Variants in CMIP observed in about 807,000 individuals in gnomAD.
The protein encoded by CMIP is c-Maf inducing protein.
In CMIP, 13 loss-of-function variants were observed where a neutral mutation model predicts 97.3. That is an observed-to-expected ratio of 0.13 (90% CI 0.09 to 0.21). The LOEUF is 0.21. Among genes scored for constraint, CMIP ranks in the 10% least tolerant of loss-of-function variants. The pLI, the probability that CMIP is intolerant of heterozygous loss-of-function variation, is 1.00. For synonymous variants in CMIP, 538 were observed against 436.3 expected, an observed-to-expected ratio of 1.23 and a Z score of -2.91; for missense variants, 847 against 1,024.9, an observed-to-expected ratio of 0.83 and a Z score of 2.37.
chr16:81,671,919 G>A (rs1220139471), intron 8 of CMIP, 47 bp from the exon 9 acceptor site: 17 of 1,034,860 alleles, frequency 1.6e-5, no homozygotes, highest in African/African-American at 3.1e-5. Flanking sequence ...CTGTCCATGG[G>A]CCCCACTCCT....
intron 1 of CMIP, among the ~76,000 whole-genome samples, chr16:81,512,086 A>G (rs532127544): frequency 6.2e-4 from 94 of 152,342 alleles, no homozygotes; most frequent in African/African-American, 2.2e-3. Flanking sequence ...GTTAAAATAT[A>G]TTATTAACAT....
intron 3 of CMIP, among the ~76,000 whole-genome samples, chr16:81,641,935 A>G (rs539876735): frequency 6.6e-6 from 1 of 152,336 alleles, no homozygotes; most frequent in Admixed American, 6.5e-5. Context: ...AATTCTGCCT[A>G]GCTCTTAGTA....
intron 1 of CMIP, among the ~76,000 whole-genome samples, chr16:81,522,290 A>G (rs1255940319): frequency 6.6e-6 from 1 of 152,156 alleles, no homozygotes; most frequent in Non-Finnish European, 1.5e-5. Context: ...CCAGGTGGCC[A>G]CACCTGGATT....
At chr16:81,680,498 C>T (rs1368147523) in intron 10 of CMIP, among the ~76,000 whole-genome samples, 1 of 152,238 alleles carries the variant, frequency 6.6e-6, no homozygotes, top group Non-Finnish European at 1.5e-5. Flanking sequence ...CCTCCTCTGC[C>T]CTGGCTTTGG....
chr16:81,560,510 G>T (rs184563271), intron 1 of CMIP, among the ~76,000 whole-genome samples: 22 of 152,234 alleles, frequency 1.4e-4, no homozygotes, highest in Admixed American at 7.2e-4. Context: ...GAGCCACTGC[G>T]CCCAGCCAGA....
At chr16:81,568,840 C>T (rs568132667) in intron 1 of CMIP, among the ~76,000 whole-genome samples, 28 of 152,286 alleles carry the variant, frequency 1.8e-4, no homozygotes, top group African/African-American at 5.1e-4. Context: ...CCTGGGAAAA[C>T]GCACTTGTGG....
At chr16:81,644,049 T>G (rs1168112847) in intron 3 of CMIP, among the ~76,000 whole-genome samples, 1 of 152,208 alleles carries the variant, frequency 6.6e-6, no homozygotes, top group Non-Finnish European at 1.5e-5. Flanking sequence ...GTGTTCAGTC[T>G]AATCCCAGAA....
At chr16:81,509,844 G>C (rs1416793064) in intron 1 of CMIP, among the ~76,000 whole-genome samples, 3 of 152,190 alleles carry the variant, frequency 2.0e-5, no homozygotes, top group African/African-American at 7.2e-5. Flanking sequence ...AGGGAGGAGA[G>C]AACAGGTGAG....
chr16:81,474,111 C>G (rs562589880), intron 1 of CMIP, among the ~76,000 whole-genome samples: 47 of 152,080 alleles, frequency 3.1e-4, no homozygotes, highest in Non-Finnish European at 5.4e-4. Flanking sequence ...GTGTGGCCAC[C>G]CCTTCAGGCT....
intron 1 of CMIP, chr16:81,476,441 T>G: frequency 2.1e-6 from 2 of 934,136 alleles, no homozygotes. Flanking sequence ...GGAAACTTGT[T>G]TGCAAACAGC....
chr16:81,468,563 A>G (rs375518051), intron 1 of CMIP, among the ~76,000 whole-genome samples: 1 of 152,272 alleles, frequency 6.6e-6, no homozygotes, highest in African/African-American at 2.4e-5. Context: ...GCAGTTAGGC[A>G]TCGTGCCTGA....
In CMIP at chr16:81,602,400, C is replaced by G. The variant is rs190106405; in HGVS notation, c.301-5167C>G. On this transcript the variant is annotated intron_variant, in intron 1 of 20. Coordinates refer to ENST00000537098, the MANE Select transcript of CMIP (RefSeq NM_198390.3). ...GGGAAAGATTTTATTCGTCATCTTC[C>G]AAATTACCTTGTCTTCACGCATTGC... Among the ~76,000 whole-genome samples the G allele has an allele frequency of 5.3e-5, 8 of 152,354 alleles. No homozygotes were observed. The East Asian group carries it at 1.5e-3, about 29-fold the overall frequency.
At chr16:81,705,275 T>A (rs552123217) in intron 18 of CMIP, among the ~76,000 whole-genome samples, 1 of 152,340 alleles carries the variant, frequency 6.6e-6, no homozygotes, top group African/African-American at 2.4e-5. Context: ...AAGGGGGCCC[T>A]GGCCTGGCTC....
At chr16:81,661,842 C>A (rs1167206634) in intron 6 of CMIP, among the ~76,000 whole-genome samples, 2 of 152,144 alleles carry the variant, frequency 1.3e-5, no homozygotes, top group East Asian at 1.9e-4. Flanking sequence ...CTCCTGGAGT[C>A]TGCCTCCCTA....
At chr16:81,582,759 A>G (rs1351758398) in intron 1 of CMIP, among the ~76,000 whole-genome samples, 1 of 152,198 alleles carries the variant, frequency 6.6e-6, no homozygotes, top group Admixed American at 6.5e-5. Context: ...CATGAAACTA[A>G]AAGCAGCAAA....
chr16:81,490,074 C>T (rs903301647), intron 1 of CMIP, among the ~76,000 whole-genome samples: 9 of 152,290 alleles, frequency 5.9e-5, no homozygotes, highest in African/African-American at 1.2e-4. Context: ...CACGCCTGCA[C>T]GCCTGTGCCA....
chr16:81,476,019 A>T, intron 1 of CMIP: 2 of 657,900 alleles, frequency 3.0e-6, no homozygotes, highest in South Asian at 3.0e-5. Flanking sequence ...ACATAAGTCA[A>T]ACTTTATTCA....
intron 1 of CMIP, among the ~76,000 whole-genome samples, chr16:81,452,626 G>A (rs1218434036): frequency 2.0e-5 from 3 of 152,126 alleles, no homozygotes; most frequent in East Asian, 1.9e-4. Flanking sequence ...GTTCCAGGTA[G>A]AGGGAACAGC....
intron 1 of CMIP, among the ~76,000 whole-genome samples, chr16:81,529,653 A>T (rs1451895295): frequency 1.3e-5 from 2 of 152,186 alleles, no homozygotes; most frequent in Non-Finnish European, 2.9e-5. Context: ...GTGTCATCAC[A>T]GGGGTCCCTA....
Sources: gnomAD v4.1 joint callset for allele counts (sites outside exome capture counted in the v4.1 genomes callset) on GRCh38, gnomAD v4.1.1 for gene constraint, MANE v1.5 for transcripts, NCBI Gene and HGNC (gene_info 2026-07-23, HGNC 2026-07-21) for gene names.